The following DLGAP2 variants were observed in gnomAD, a reference collection of about 807,000 sequenced individuals.
The protein encoded by DLGAP2 is DLG associated protein 2, also known as disks large-associated protein 2.
In DLGAP2, 26 loss-of-function variants were observed where a neutral mutation model predicts 100.3. The observed-to-expected ratio is 0.26, with a 90% CI of 0.19 to 0.36. DLGAP2 has a LOEUF of 0.36. DLGAP2 is among the 10% of genes least tolerant of loss of function. The pLI, the probability that DLGAP2 is intolerant of heterozygous loss-of-function variation, is 1.00. For synonymous variants in DLGAP2, 886 were observed against 630.1 expected, an observed-to-expected ratio of 1.41 and a Z score of -6.08; for missense variants, 1,858 against 1,453.2, an observed-to-expected ratio of 1.28 and a Z score of -4.53.
intron 2 of DLGAP2, among the ~76,000 whole-genome samples, chr8:995,896 G>A (rs1166043073): frequency 6.6e-6 from 1 of 152,138 alleles, no homozygotes; most frequent in Non-Finnish European, 1.5e-5. Context: ...GCTGGGGGAA[G>A]CAGGAGACTA....
intron 2 of DLGAP2, among the ~76,000 whole-genome samples, chr8:965,657 GTCTGA>G: frequency 7.4e-6 from 1 of 134,696 alleles, no homozygotes; most frequent in African/African-American, 3.0e-5. Context: ...GGGCTCCTGA[GTCTGA>G]CCCCGCACTG....
chr8:1,605,305 A>T (rs1796760798), intron 6 of DLGAP2, among the ~76,000 whole-genome samples: 1 of 152,188 alleles, frequency 6.6e-6, no homozygotes, highest in African/African-American at 2.4e-5. Context: ...TTTGAGCCGA[A>T]GATGGTTACC....
At chr8:1,291,912 C>T (rs1300846055) in intron 3 of DLGAP2, among the ~76,000 whole-genome samples, 1 of 152,158 alleles carries the variant, frequency 6.6e-6, no homozygotes, top group Non-Finnish European at 1.5e-5. Flanking sequence ...TTGACTATTA[C>T]AAAATGTTCA....
chr8:1,208,347 G>A (rs1006038074), intron 2 of DLGAP2, among the ~76,000 whole-genome samples: 1 of 152,058 alleles, frequency 6.6e-6, no homozygotes, highest in Non-Finnish European at 1.5e-5. Context: ...GTTTTTGTTT[G>A]GTTTGTTAAA....
chr8:1,706,522 T>A lies in DLGAP2; in HGVS notation c.*5116T>A, dbSNP rs1202153144. On this transcript the variant is annotated 3_prime_UTR_variant, in exon 15 of 15. Transcript: ENST00000637795. ...CAGGGACCACCAGAGGCAGAGGCCA[T>A]GAGACTGTCTTTGGAAAGGTTTGGA... The A allele has an allele frequency of 6.6e-6, 1 of 152,210 alleles. No individual in the cohort carries two copies. The highest frequency in any genetic ancestry group is 1.5e-5 in the Non-Finnish European group (1 of 68,052). The allele number at this position is 152,210 out of a possible 1,614,324, so 9.4% of individuals were successfully genotyped here.
intron 1 of DLGAP2, among the ~76,000 whole-genome samples, chr8:842,246 C>A (rs1023049804): frequency 6.6e-6 from 1 of 152,178 alleles, no homozygotes; most frequent in African/African-American, 2.4e-5. Flanking sequence ...AAAACATATT[C>A]ATGGGAACAA....
intron 3 of DLGAP2, among the ~76,000 whole-genome samples, chr8:1,388,962 AGGCCG>A: frequency 7.5e-6 from 1 of 133,256 alleles, no homozygotes; most frequent in African/African-American, 3.0e-5. Flanking sequence ...TGAGAGGCAG[AGGCCG>A]TGGATGAGGA....
intron 1 of DLGAP2, among the ~76,000 whole-genome samples, chr8:799,870 G>T (rs982191380): frequency 7.2e-5 from 11 of 152,208 alleles, no homozygotes; most frequent in Admixed American, 1.3e-4. Context: ...GTGCTGGGAT[G>T]ATAGGTGAGA....
chr8:1,392,000 C>T (rs1159686007), intron 3 of DLGAP2, among the ~76,000 whole-genome samples: 1 of 152,230 alleles, frequency 6.6e-6, no homozygotes, highest in African/African-American at 2.4e-5. Flanking sequence ...GGTCGTAGGA[C>T]TGAGAGCGTG....
chr8:1,664,230 A>G (rs558537720), intron 8 of DLGAP2, among the ~76,000 whole-genome samples: 1 of 152,216 alleles, frequency 6.6e-6, no homozygotes, highest in Admixed American at 6.5e-5. Flanking sequence ...CTGTGGTGGC[A>G]TCGGTGCGTC....
chr8:1,284,421 A>G (rs1431261640), intron 3 of DLGAP2, among the ~76,000 whole-genome samples: 1 of 152,030 alleles, frequency 6.6e-6, no homozygotes, highest in Non-Finnish European at 1.5e-5. Flanking sequence ...AGACAGTGAG[A>G]GTGTGCAGGT....
chr8:1,449,745 T>G (rs1446123469), intron 3 of DLGAP2, among the ~76,000 whole-genome samples: 1 of 151,732 alleles, frequency 6.6e-6, no homozygotes, highest in Non-Finnish European at 1.5e-5. Flanking sequence ...GGATGCAGGA[T>G]GCGAATGGGA....
chr8:1,054,523 G>A (rs935625678), intron 2 of DLGAP2, among the ~76,000 whole-genome samples: 6 of 152,134 alleles, frequency 3.9e-5, no homozygotes, highest in Middle Eastern at 3.4e-3. Flanking sequence ...CTGTATATTA[G>A]AATATATGAT....
chr8:763,642 C>T (rs549913964), intron 1 of DLGAP2, among the ~76,000 whole-genome samples: 12 of 152,002 alleles, frequency 7.9e-5, no homozygotes, highest in Admixed American at 2.6e-4. Flanking sequence ...TGGTCGGTGG[C>T]GACCCAGAGA....
chr8:1,140,278 C>T (rs1174514849), intron 2 of DLGAP2, among the ~76,000 whole-genome samples: 1 of 152,092 alleles, frequency 6.6e-6, no homozygotes. Context: ...GTGACAGCAC[C>T]TCTGCTCCTT....
At chr8:1,441,355 T>C (rs987581644) in intron 3 of DLGAP2, among the ~76,000 whole-genome samples, 1 of 152,148 alleles carries the variant, frequency 6.6e-6, no homozygotes, top group African/African-American at 2.4e-5. Context: ...TTTTGTTAAT[T>C]GTTCACTGTT....
rs116966564 is a variant in DLGAP2 at position 1,532,265 on chromosome 8, T to C, written c.173-16361T>C. Among the ~76,000 whole-genome samples, 252 of 152,316 alleles carry C rather than the reference T, an allele frequency of 1.7e-3. 1 individual carries two copies. Among genetic ancestry groups the C allele is most frequent in the Non-Finnish European group, 2.7e-3 (185 of 68,022 alleles). On this transcript the variant is annotated intron_variant, in intron 4 of 14. Transcript: ENST00000637795. Reference sequence around the variant, plus strand: ...TGGGGGAGGTCCTGGAACGCACTCTTTGTGGAAACCTCCTTCCCATGCCAC... The same window carrying C: ...TGGGGGAGGTCCTGGAACGCACTCTCTGTGGAAACCTCCTTCCCATGCCAC...
intron 2 of DLGAP2, among the ~76,000 whole-genome samples, chr8:986,169 G>T (rs370860246): frequency 1.3e-5 from 2 of 152,160 alleles, no homozygotes; most frequent in Non-Finnish European, 2.9e-5. Context: ...AGTGTGACTG[G>T]TTGGGAAGAG....
intron 1 of DLGAP2, among the ~76,000 whole-genome samples, chr8:820,845 A>C (rs1369671766): frequency 6.6e-6 from 1 of 152,214 alleles, no homozygotes; most frequent in Non-Finnish European, 1.5e-5. Flanking sequence ...GGCTAAAATA[A>C]TTGTGATTGT....
Sources: allele counts gnomAD v4.1 joint callset (sites outside exome capture counted in the v4.1 genomes callset), GRCh38; gene constraint gnomAD v4.1.1; transcripts MANE v1.5; gene names NCBI Gene and HGNC (gene_info 2026-07-23, HGNC 2026-07-21).